ZDHHC21: variants seen among roughly 807,000 people sequenced by gnomAD.
ZDHHC21 encodes the protein palmitoyltransferase ZDHHC21.
In ZDHHC21, 15 loss-of-function variants were observed where a neutral mutation model predicts 34.6. The observed-to-expected ratio is 0.43, with a 90% confidence interval of 0.29 to 0.67. The LOEUF (loss-of-function observed/expected upper bound fraction) is 0.67, where lower values mean the gene tolerates loss of function less well. ZDHHC21 is among the 30% of genes least tolerant of loss of function. The pLI is 0.14. For missense variants in ZDHHC21, 344 were observed against 327.7 expected (o/e 1.05, Z -0.38); for synonymous variants, 142 against 101.8 (o/e 1.40, Z -2.38).
At chr9:14,620,674 C>G (rs1586885754) in intron 8 of ZDHHC21, among the ~76,000 whole-genome samples, 1 of 151,954 alleles carries the variant, frequency 6.6e-6, no homozygotes, top group Admixed American at 6.6e-5. Flanking sequence ...CACCTTCACT[C>G]AAAAACAACT....
intron 5 of ZDHHC21, among the ~76,000 whole-genome samples, chr9:14,668,216 CAG>C (rs1412548674): frequency 7.3e-6 from 1 of 136,468 alleles, no homozygotes; most frequent in Admixed American, 7.6e-5. Context: ...AACAGACAAA[CAG>C]AGAGCCAAAT....
chr9:14,626,037 T>A (rs1481360638), intron 8 of ZDHHC21, among the ~76,000 whole-genome samples: 1 of 151,966 alleles, frequency 6.6e-6, no homozygotes, highest in Non-Finnish European at 1.5e-5. Context: ...GAAATAAGTC[T>A]CGCACTAATC....
chr9:14,671,473 A>C (rs998309338), intron 5 of ZDHHC21, among the ~76,000 whole-genome samples: 1 of 152,122 alleles, frequency 6.6e-6, no homozygotes, highest in Non-Finnish European at 1.5e-5. Context: ...CTCACAGATC[A>C]CCTTTAAAAA....
intron 7 of ZDHHC21, among the ~76,000 whole-genome samples, chr9:14,657,925 C>T (rs573315165): frequency 6.6e-6 from 1 of 152,122 alleles, no homozygotes; most frequent in African/African-American, 2.4e-5. Flanking sequence ...AACTTTAATG[C>T]CAATTATATC....
At chr9:14,679,631 A>G (rs1387505902) in intron 3 of ZDHHC21, among the ~76,000 whole-genome samples, 1 of 152,144 alleles carries the variant, frequency 6.6e-6, no homozygotes, top group Non-Finnish European at 1.5e-5. Flanking sequence ...AATTCTTTTC[A>G]ATTAACTTAA....
intron 5 of ZDHHC21, among the ~76,000 whole-genome samples, chr9:14,671,583 A>C (rs1835446836): frequency 6.6e-6 from 1 of 152,068 alleles, no homozygotes; most frequent in African/African-American, 2.4e-5. Flanking sequence ...TTTTTGAGAG[A>C]CTGCATCAAA....
At chr9:14,685,732 C>T (rs2131659107) in intron 2 of ZDHHC21, among the ~76,000 whole-genome samples, 1 of 152,334 alleles carries the variant, frequency 6.6e-6, no homozygotes, top group East Asian at 1.9e-4. Flanking sequence ...ACAAATCATG[C>T]TGCTATAAAG....
chr9:14,631,291 A>G (rs1457196225), intron 8 of ZDHHC21, among the ~76,000 whole-genome samples: 3 of 152,192 alleles, frequency 2.0e-5, no homozygotes, highest in African/African-American at 7.2e-5. Context: ...TTAAGCCTTA[A>G]GAACAAACTT....
At chr9:14,652,970 A>C (rs1831494074) in intron 7 of ZDHHC21, among the ~76,000 whole-genome samples, 1 of 152,020 alleles carries the variant, frequency 6.6e-6, no homozygotes, top group Non-Finnish European at 1.5e-5. Context: ...AAAGGGTAGA[A>C]AGAAAATGCA....
At chr9:14,681,884 T>A (rs1420611535) in intron 2 of ZDHHC21, among the ~76,000 whole-genome samples, 1 of 151,964 alleles carries the variant, frequency 6.6e-6, no homozygotes, top group East Asian at 1.9e-4. Flanking sequence ...GGGGCCAATA[T>A]TCAACATTCC....
intron 7 of ZDHHC21, among the ~76,000 whole-genome samples, chr9:14,654,397 C>CAA (rs71323903): frequency 2.8e-4 from 42 of 150,682 alleles, no homozygotes; most frequent in African/African-American, 5.6e-4. Context: ...TATATCCTAT[C>CAA]AAAAAAAAAG....
downstream of ZDHHC21, among the ~76,000 whole-genome samples, chr9:14,610,573 C>T (rs181667001): frequency 1.3e-5 from 2 of 152,108 alleles, no homozygotes; most frequent in East Asian, 1.9e-4. Flanking sequence ...TACTAACTCA[C>T]TGTCTTTAAG....
chr9:14,595,154 C>T, the ZDHHC21 span, among the ~76,000 whole-genome samples: 7 of 152,228 alleles, frequency 4.6e-5, no homozygotes, highest in African/African-American at 1.7e-4. Context: ...ATGCAGATTT[C>T]CACTCTTAGG....
chr9:14,674,670 C>T (rs1468352955), intron 3 of ZDHHC21, among the ~76,000 whole-genome samples: 1 of 152,000 alleles, frequency 6.6e-6, no homozygotes, highest in Non-Finnish European at 1.5e-5. Context: ...GAATCATCTA[C>T]TGAATTTAAA....
intron 6 of ZDHHC21, among the ~76,000 whole-genome samples, chr9:14,660,173 C>A (rs1319631711): frequency 6.6e-6 from 1 of 151,946 alleles, no homozygotes. Flanking sequence ...TGAGACCAGC[C>A]TGGCCAACAT....
chr9:14,690,533 C>T (rs1839011687), intron 1 of ZDHHC21, 148 bp from the exon 2 acceptor site: 3 of 350,030 alleles, frequency 8.6e-6, no homozygotes, highest in South Asian at 4.5e-5. Flanking sequence ...GGCAACACAT[C>T]GGTTAAGAGA....
chr9:14,682,981 G>C (rs539322814), intron 2 of ZDHHC21, among the ~76,000 whole-genome samples: 28 of 152,178 alleles, frequency 1.8e-4, no homozygotes, highest in African/African-American at 6.5e-4. Flanking sequence ...GATGTTATTT[G>C]AAACCAATGA....
intron 7 of ZDHHC21, among the ~76,000 whole-genome samples, chr9:14,646,911 T>A (rs1830363336): frequency 6.6e-6 from 1 of 152,098 alleles, no homozygotes; most frequent in Non-Finnish European, 1.5e-5. Context: ...CTTTTGCCTG[T>A]CTTGTTCAAT....
At chr9:14,601,439 CAAT>C in the ZDHHC21 span, among the ~76,000 whole-genome samples, 7,899 of 152,186 alleles carry the variant, frequency 0.052, 664 homozygotes, top group African/African-American at 0.18. Context: ...ATCAAAACAA[CAAT>C]GAGATACCAT....
Sources: allele counts gnomAD v4.1 joint callset (sites outside exome capture counted in the v4.1 genomes callset), GRCh38; gene constraint gnomAD v4.1.1; transcripts MANE v1.5; gene names NCBI Gene and HGNC (gene_info 2026-07-23, HGNC 2026-07-21).